ZNF385D: variants seen among roughly 807,000 people sequenced by gnomAD.
ZNF385D encodes zinc finger protein 385D.
Under a neutral mutation model 35.8 loss-of-function variants are expected in ZNF385D, and 15 were observed. That is an observed-to-expected ratio of 0.42 (90% CI 0.28 to 0.64). The LOEUF (loss-of-function observed/expected upper bound fraction) is 0.64, where lower values mean the gene tolerates loss of function less well. ZNF385D is among the 30% of genes least tolerant of loss of function. The pLI, the probability that ZNF385D is intolerant of heterozygous loss-of-function variation, is 0.23. For missense variants in ZNF385D, 474 were observed against 494.6 expected (o/e 0.96, Z 0.39); for synonymous variants, 212 against 186.8 (o/e 1.13, Z -1.10).
chr3:21,591,400 T>A (rs1313399210), intron 2 of ZNF385D, among the ~76,000 whole-genome samples: 1 of 152,124 alleles, frequency 6.6e-6, no homozygotes. Context: ...GGAACATCAG[T>A]GAATGGTTAG....
At chr3:21,805,705 G>C (rs1303932602) in intron 3 of ZNF385D, among the ~76,000 whole-genome samples, 1 of 152,150 alleles carries the variant, frequency 6.6e-6, no homozygotes, top group Non-Finnish European at 1.5e-5. Flanking sequence ...GTTGCCAAGA[G>C]TATAGCAACA....
At chr3:21,927,370 T>C (rs1200609361) in intron 3 of ZNF385D, among the ~76,000 whole-genome samples, 1 of 152,164 alleles carries the variant, frequency 6.6e-6, no homozygotes, top group Non-Finnish European at 1.5e-5. Context: ...TGATTATTTA[T>C]TTTGGAGAAA....
At chr3:22,040,448 A>G (rs1444918414) in intron 3 of ZNF385D, among the ~76,000 whole-genome samples, 1 of 152,204 alleles carries the variant, frequency 6.6e-6, no homozygotes, top group Admixed American at 6.6e-5. Context: ...TTGCAAGCCC[A>G]GCAATGTGAC....
intron 3 of ZNF385D, among the ~76,000 whole-genome samples, chr3:22,091,647 C>T (rs1701337575): frequency 6.6e-6 from 1 of 152,138 alleles, no homozygotes; most frequent in Non-Finnish European, 1.5e-5. Context: ...GAAACAGCTT[C>T]TCACCTATTT....
intron 2 of ZNF385D, among the ~76,000 whole-genome samples, chr3:22,273,841 T>C (rs73823509): frequency 0.037 from 5,627 of 151,980 alleles, 227 homozygotes; most frequent in African/African-American, 0.1. Flanking sequence ...TGCACAATTA[T>C]AGAAGATCTC....
At position 22,179,861 on chromosome 3, in the gene ZNF385D, A is replaced by G. The variant is rs1199683974; in HGVS notation, c.107-10826T>C. ...AAAGATCCAAAATTGACACCCTAAC[A>G]TCACAATTAAAAGAACTAGAGAAGC... On this transcript the variant is annotated intron_variant, in intron 2 of 5. Transcript: ENST00000494108. 6.6e-5 allele frequency among the ~76,000 whole-genome samples: 10 copies of G among 152,204 alleles called. No individual in the cohort carries two copies. In the South Asian group the frequency reaches 8.3e-4, roughly 13 times the overall value.
chr3:22,137,374 AG>A (rs1704208265), intron 3 of ZNF385D, among the ~76,000 whole-genome samples: 1 of 152,196 alleles, frequency 6.6e-6, no homozygotes, highest in African/African-American at 2.4e-5. Flanking sequence ...ACAAAAAAAG[AG>A]AATTTTAGAC....
intron 3 of ZNF385D, among the ~76,000 whole-genome samples, chr3:22,025,932 T>C (rs1019392148): frequency 3.3e-4 from 50 of 152,228 alleles, no homozygotes; most frequent in African/African-American, 1.0e-3. Context: ...ATATGAATAA[T>C]TGGATCTCAA....
At chr3:21,915,254 A>G (rs564277030) in intron 3 of ZNF385D, among the ~76,000 whole-genome samples, 2 of 152,178 alleles carry the variant, frequency 1.3e-5, no homozygotes, top group Non-Finnish European at 2.9e-5. Context: ...AAAATTCTGT[A>G]TACTACAGAA....
intron 2 of ZNF385D, among the ~76,000 whole-genome samples, chr3:21,608,172 G>T (rs2064553609): frequency 6.6e-6 from 1 of 151,802 alleles, no homozygotes; most frequent in Non-Finnish European, 1.5e-5. Context: ...ACCACACTTG[G>T]CTAATTTTTT....
At chr3:22,029,197 G>T (rs1697754331) in intron 3 of ZNF385D, among the ~76,000 whole-genome samples, 1 of 152,162 alleles carries the variant, frequency 6.6e-6, no homozygotes, top group Non-Finnish European at 1.5e-5. Flanking sequence ...TAAGACAACA[G>T]GCTAAGAAGG....
At chr3:21,948,218 C>A (rs1701890198) in intron 3 of ZNF385D, among the ~76,000 whole-genome samples, 1 of 151,334 alleles carries the variant, frequency 6.6e-6, no homozygotes, top group Non-Finnish European at 1.5e-5. Context: ...CATAAATGGC[C>A]CTCATTTTTT....
chr3:21,754,776 G>T (rs138499954), upstream of ZNF385D, among the ~76,000 whole-genome samples: 136 of 152,196 alleles, frequency 8.9e-4, no homozygotes, highest in Middle Eastern at 3.4e-3. Flanking sequence ...CTCAGTGAGG[G>T]CAGGGATTTT....
chr3:21,592,004 G>A (rs532689364), intron 2 of ZNF385D, among the ~76,000 whole-genome samples: 8 of 152,098 alleles, frequency 5.3e-5, no homozygotes, highest in Non-Finnish European at 7.4e-5. Context: ...CAATACTCCC[G>A]TTACTAGCAG....
intron 5 of ZNF385D, among the ~76,000 whole-genome samples, chr3:21,432,606 G>A (rs1701346596): frequency 6.6e-6 from 1 of 151,356 alleles, no homozygotes; most frequent in South Asian, 2.1e-4. Context: ...TTTTTGTGGG[G>A]GGAAATTTTT....
At chr3:21,592,496 A>T (rs1331275820) in intron 2 of ZNF385D, among the ~76,000 whole-genome samples, 1 of 146,902 alleles carries the variant, frequency 6.8e-6, no homozygotes, top group Non-Finnish European at 1.5e-5. Flanking sequence ...AATAGGATTT[A>T]TATTTTCTCA....
At chr3:21,896,764 G>A (rs1699160008) in intron 3 of ZNF385D, among the ~76,000 whole-genome samples, 1 of 151,862 alleles carries the variant, frequency 6.6e-6, no homozygotes, top group African/African-American at 2.4e-5. Flanking sequence ...ATCAGAAAAT[G>A]TTCTTGACAT....
intron 2 of ZNF385D, among the ~76,000 whole-genome samples, chr3:22,341,583 T>A (rs1184127776): frequency 2.0e-5 from 3 of 152,190 alleles, no homozygotes; most frequent in Non-Finnish European, 4.4e-5. Flanking sequence ...TTATCCACTA[T>A]CTGAATGGCA....
chr3:22,026,639 T>C (rs780579215), intron 3 of ZNF385D, among the ~76,000 whole-genome samples: 1 of 152,198 alleles, frequency 6.6e-6, no homozygotes, highest in African/African-American at 2.4e-5. Flanking sequence ...CATAGACATA[T>C]TTAGCAGCTG....
Sources: allele counts gnomAD v4.1 joint callset (sites outside exome capture counted in the v4.1 genomes callset), GRCh38; gene constraint gnomAD v4.1.1; transcripts MANE v1.5; gene names NCBI Gene and HGNC (gene_info 2026-07-23, HGNC 2026-07-21).